TRIM2: variants seen among roughly 807,000 people sequenced by gnomAD.
TRIM2 encodes the protein tripartite motif-containing protein 2.
In TRIM2, 20 loss-of-function variants were observed where a neutral mutation model predicts 75.2. The observed-to-expected ratio is 0.27, with a 90% CI of 0.19 to 0.39. The LOEUF (loss-of-function observed/expected upper bound fraction) is 0.39. TRIM2 is among the 10% of genes least tolerant of loss of function. The probability of loss-of-function intolerance (pLI) is 1.00; values close to 1 mark genes in which losing one functional copy is unlikely to be tolerated. For missense variants in TRIM2, 660 were observed against 990.8 expected (o/e 0.67, Z 4.48); for synonymous variants, 373 against 388.3 (o/e 0.96, Z 0.46).
chr4:153,154,913 G>T (rs919252910), intron 1 of TRIM2, among the ~76,000 whole-genome samples: 4 of 152,206 alleles, frequency 2.6e-5, no homozygotes, highest in Admixed American at 1.3e-4. Flanking sequence ...GCCGAGGCAG[G>T]CGGATTACCT....
At chr4:153,259,859 A>G (rs942632560) in intron 1 of TRIM2, among the ~76,000 whole-genome samples, 1 of 152,258 alleles carries the variant, frequency 6.6e-6, no homozygotes, top group Non-Finnish European at 1.5e-5. Context: ...TAATGAGCCA[A>G]GTATTCAAAT....
chr4:153,173,432 G>C (rs142653439), intron 1 of TRIM2, among the ~76,000 whole-genome samples: 2 of 151,598 alleles, frequency 1.3e-5, no homozygotes, highest in African/African-American at 4.9e-5. Context: ...GGGAGGCCGA[G>C]GGGGGTGGAT....
At chr4:153,282,025 A>G (rs4696450) in intron 3 of TRIM2, among the ~76,000 whole-genome samples, 61,170 of 152,118 alleles carry the variant, frequency 0.4, 14,702 homozygotes, top group African/African-American at 0.68. Context: ...TGGCTGCAAG[A>G]CCTTGACCAT....
intron 3 of TRIM2, among the ~76,000 whole-genome samples, chr4:153,287,053 A>G (rs1290202710): frequency 2.0e-5 from 3 of 151,500 alleles, no homozygotes; most frequent in Admixed American, 6.6e-5. Context: ...ATCATAGCTC[A>G]CTGCAGCCTC....
chr4:153,162,915 C>T (rs1018647967), intron 1 of TRIM2, among the ~76,000 whole-genome samples: 19 of 152,138 alleles, frequency 1.2e-4, no homozygotes, highest in African/African-American at 3.1e-4. Context: ...ATTAAAGAAA[C>T]AGGTTGGGAC....
chr4:153,310,556 T>C (rs1444832909), intron 6 of TRIM2, among the ~76,000 whole-genome samples: 1 of 152,190 alleles, frequency 6.6e-6, no homozygotes, highest in Non-Finnish European at 1.5e-5. Flanking sequence ...TTGGCATCAA[T>C]TGTCTTCCCA....
intron 11 of TRIM2, among the ~76,000 whole-genome samples, chr4:153,334,329 C>G (rs1323195152): frequency 6.7e-6 from 1 of 150,086 alleles, no homozygotes; most frequent in African/African-American, 2.4e-5. Flanking sequence ...GTGACATAAA[C>G]AAAGACATAT....
upstream of TRIM2, among the ~76,000 whole-genome samples, chr4:153,202,609 G>C (rs1237334518): frequency 6.6e-6 from 1 of 150,486 alleles, no homozygotes; most frequent in African/African-American, 2.5e-5. Context: ...TGAGGCAGGA[G>C]AATGGCCTGA....
At chr4:153,230,628 C>T (rs1209473533) in intron 1 of TRIM2, among the ~76,000 whole-genome samples, 1 of 152,236 alleles carries the variant, frequency 6.6e-6, no homozygotes, top group Non-Finnish European at 1.5e-5. Context: ...TCCTGAGAAT[C>T]TGGGATACTG....
Position 153,299,753 on chromosome 4 carries a change from G to T in TRIM2, c.1510+3717G>T, listed in dbSNP as rs185481957. 7.2e-5 allele frequency among the ~76,000 whole-genome samples: 11 copies of T among 152,224 alleles called. No homozygotes were observed. The East Asian group carries it at 1.7e-3, about 24-fold the overall frequency. On this transcript the variant is annotated intron_variant, in intron 6 of 11. Transcript: ENST00000338700. ...TGACCCGAGTCACCCCTGGTCACCT[G>T]CTCTGACCTAAGTCACCTTTAGTTA...
In TRIM2 at chr4:153,337,350, T is replaced by C; in HGVS notation, c.*2384T>C. On this transcript the variant is annotated 3_prime_UTR_variant, in exon 12 of 12. Transcript: ENST00000338700. ...TCTAACCAGCCATCATATCATATCC[T>C]ATCAGGCTAGATATCTCAATAGTAG... 1.0e-6 allele frequency: 1 copy of C among 985,896 alleles called. No homozygotes were observed. The highest frequency in any genetic ancestry group is 1.2e-6 in the Non-Finnish European group (1 of 829,934). 61.1% of individuals were successfully genotyped at this position (985,896 alleles called of 1,614,324 possible). A position where few individuals can be genotyped will look rare whatever the true frequency, so the allele number is the denominator to read the frequency against.
intron 3 of TRIM2, among the ~76,000 whole-genome samples, chr4:153,287,152 A>AT (rs1248855605): frequency 1.3e-5 from 2 of 151,778 alleles, no homozygotes; most frequent in South Asian, 2.1e-4. Flanking sequence ...TAATTTTTGT[A>AT]TTTTTTTAAT....
At chr4:153,244,414 CTT>C (rs1748356516) in intron 1 of TRIM2, among the ~76,000 whole-genome samples, 1 of 97,382 alleles carries the variant, frequency 1.0e-5, no homozygotes, top group Non-Finnish European at 2.0e-5. Context: ...TCTTCTTCTT[CTT>C]CTTCTTCTTC....
Position 153,336,194 on chromosome 4 carries a change from A to G in TRIM2, c.*1228A>G, listed in dbSNP as rs1294951352. The G allele has an allele frequency of 2.0e-6, 2 of 985,558 alleles. No homozygotes were observed. Among genetic ancestry groups the G allele is most frequent in the Non-Finnish European group, 2.4e-6 (2 of 829,924 alleles). 61.1% of individuals were successfully genotyped at this position (985,558 alleles called of 1,614,324 possible). ...ATTGAAATAGGCAGCACTCTGAAAGACAGAAGCTTCGTCCAGCCACTCTTC... is the reference window on the plus strand; with the variant it reads ...ATTGAAATAGGCAGCACTCTGAAAGGCAGAAGCTTCGTCCAGCCACTCTTC... On this transcript the variant is annotated 3_prime_UTR_variant, in exon 12 of 12. Coordinates refer to ENST00000338700, the MANE Select transcript of TRIM2 (RefSeq NM_015271.5).
At chr4:153,294,593 A>G in intron 5 of TRIM2, 108 bp downstream of exon 5, 2 of 1,139,236 alleles carry the variant, frequency 1.8e-6, no homozygotes, top group Non-Finnish European at 2.4e-6. Flanking sequence ...ATCATTGTAT[A>G]GTAAACTATA....
At chr4:153,264,970 T>C (rs935484935) in intron 1 of TRIM2, among the ~76,000 whole-genome samples, 1 of 152,206 alleles carries the variant, frequency 6.6e-6, no homozygotes, top group African/African-American at 2.4e-5. Context: ...TAATTTACCA[T>C]GCAAATTAAC....
chr4:153,295,985 A>G lies in TRIM2; in HGVS notation c.1459A>G (p.Thr487Ala), dbSNP rs373135370. The G allele has an allele frequency of 3.3e-6, 5 of 1,532,782 alleles. No individual in the cohort carries two copies. Among genetic ancestry groups the G allele is most frequent in the Non-Finnish European group, 4.4e-6 (5 of 1,143,076 alleles). 94.9% of individuals were successfully genotyped at this position (1,532,782 alleles called of 1,614,324 possible). Residue 487 changes from threonine to alanine, a missense_variant, in exon 6 of 12, where the codon ACT becomes GCT. Thr to Ala is a moderately conservative substitution (Grantham distance 58). Coordinates refer to ENST00000338700, the MANE Select transcript of TRIM2 (RefSeq NM_015271.5). This position sits in a 1 kb window ranked among gnomAD's most constrained non-coding sequence, Gnocchi z 7.2. ...GAAAAGACCCGCAAGCATGTACAGC[A>G]CTGGAAAACGAAAAGAGAATCCCAT... ...AVKRPASMYS[T>A]GKRKENPIED...
At chr4:153,316,239 T>A (rs1767556179) in intron 8 of TRIM2, among the ~76,000 whole-genome samples, 1 of 152,214 alleles carries the variant, frequency 6.6e-6, no homozygotes, top group South Asian at 2.1e-4. Context: ...GTCACTTTTT[T>A]TCTTTAAAAC....
intron 6 of TRIM2, among the ~76,000 whole-genome samples, chr4:153,301,990 A>T (rs1764013249): frequency 6.6e-6 from 1 of 152,194 alleles, no homozygotes; most frequent in Admixed American, 6.5e-5. Context: ...TACGAATTTT[A>T]GGATTGCTTT....
Sources: allele counts gnomAD v4.1 joint callset (sites outside exome capture counted in the v4.1 genomes callset), GRCh38; gene constraint gnomAD v4.1.1; non-coding constraint Gnocchi (gnomAD v3.1); transcripts MANE v1.5; gene names NCBI Gene and HGNC (gene_info 2026-07-23, HGNC 2026-07-21).